The following CAMK1D variants were observed in gnomAD, a reference collection of about 807,000 sequenced individuals.
The protein encoded by CAMK1D is calcium/calmodulin-dependent protein kinase type 1D.
A neutral mutation model predicts 47.7 loss-of-function variants in CAMK1D; 9 were observed. That is an observed-to-expected ratio of 0.19 (90% CI 0.11 to 0.33). The LOEUF (loss-of-function observed/expected upper bound fraction) is 0.33. Ranked by LOEUF, CAMK1D falls within the 10% of genes least tolerant of loss-of-function variation. The probability of loss-of-function intolerance (pLI) is 1.00; values close to 1 mark genes in which losing one functional copy is unlikely to be tolerated. For synonymous variants in CAMK1D, 184 were observed against 184.9 expected (o/e 0.99, Z 0.04); for missense variants, 291 against 488.7 (o/e 0.60, Z 3.81).
In CAMK1D at chr10:12,349,750, C is replaced by CGCGCCGCCGCGCCCCCG; in HGVS notation, c.-62_-61insCGCGCCCCCGGCGCCGC. ...CCGGCATCCCCGCCGCCTCTGCGCC[C>CGCGCCGCCGCGCCCCCG]GCGCCGCGCCCCCGGCGCCCCCTCC... On this transcript the variant is annotated 5_prime_UTR_variant, in exon 1 of 11. Coordinates refer to ENST00000619168, the MANE Select transcript of CAMK1D (RefSeq NM_153498.4). The CGCGCCGCCGCGCCCCCG allele has an allele frequency of 1.7e-6, 1 of 586,136 alleles. No homozygotes were observed. Among genetic ancestry groups the CGCGCCGCCGCGCCCCCG allele is most frequent in the Non-Finnish European group, 2.2e-6 (1 of 447,382 alleles). 36.3% of individuals were successfully genotyped at this position (586,136 alleles called of 1,614,324 possible).
intron 6 of CAMK1D, among the ~76,000 whole-genome samples, chr10:12,805,463 C>T (rs970864344): frequency 6.6e-6 from 1 of 150,468 alleles, no homozygotes; most frequent in African/African-American, 2.4e-5. Context: ...CTCCACCTCC[C>T]GGGTTCAAGT....
chr10:12,424,264 A>C (rs538533688), intron 1 of CAMK1D, among the ~76,000 whole-genome samples: 2 of 151,880 alleles, frequency 1.3e-5, no homozygotes, highest in African/African-American at 4.8e-5. Flanking sequence ...CTCCCCGACA[A>C]ATGTTCCCAC....
intron 3 of CAMK1D, among the ~76,000 whole-genome samples, chr10:12,719,410 G>GA (rs796233580): frequency 0.023 from 2,568 of 110,150 alleles, 67 homozygotes; most frequent in African/African-American, 0.09. Flanking sequence ...TGTGCCTCAG[G>GA]AAAAAAAAAA....
rs71384332 is a variant in CAMK1D at position 12,492,347 on chromosome 10, C to CA, written c.93-60860dup. On this transcript the variant is annotated intron_variant, in intron 1 of 10. Transcript: ENST00000619168. Reference sequence around the variant, plus strand: ...AGGAAACTGGAGTAACACCTCATCTCAAAAAAAAAAAAAAAAAAGAAAAGA... The same window carrying CA: ...AGGAAACTGGAGTAACACCTCATCTCAAAAAAAAAAAAAAAAAAAGAAAAGA... Among the ~76,000 whole-genome samples the CA allele has an allele frequency of 7.8e-3, 861 of 110,352 alleles. 5 individuals carry two copies. Among genetic ancestry groups the CA allele is most frequent in the South Asian group, 0.013 (42 of 3,288 alleles). 72.4% of individuals were successfully genotyped at this position (110,352 alleles called of 152,430 possible).
At chr10:12,452,081 G>A (rs933409283) in intron 1 of CAMK1D, among the ~76,000 whole-genome samples, 11 of 152,176 alleles carry the variant, frequency 7.2e-5, no homozygotes, top group Non-Finnish European at 1.3e-4. Context: ...CGTGGAGCAG[G>A]CGAGTCAGGT....
chr10:12,414,182 G>T (rs1335060439), intron 1 of CAMK1D, among the ~76,000 whole-genome samples: 1 of 152,210 alleles, frequency 6.6e-6, no homozygotes, highest in East Asian at 1.9e-4. Flanking sequence ...TCCCTCTAAA[G>T]AGGAGATAGA....
chr10:12,669,950 C>T (rs7905192), intron 3 of CAMK1D, among the ~76,000 whole-genome samples: 91,382 of 151,652 alleles, frequency 0.6, 27,706 homozygotes, highest in East Asian at 0.65. Context: ...TTGGGTGGTG[C>T]CCAGTTGGCG....
chr10:12,510,929 C>T (rs954756965), intron 1 of CAMK1D, among the ~76,000 whole-genome samples: 6 of 152,266 alleles, frequency 3.9e-5, no homozygotes, highest in Middle Eastern at 3.4e-3. Context: ...TGCTAAGAAA[C>T]GGAGACTGGA....
At position 12,684,261 on chromosome 10, in the gene CAMK1D, T is replaced by C. The variant is rs1051353860; in HGVS notation, c.299+17451T>C. Among the ~76,000 whole-genome samples, 76 of 152,132 alleles carry C rather than the reference T, an allele frequency of 5.0e-4. 1 individual carries two copies. Among genetic ancestry groups the C allele is most frequent in the African/African-American group, 1.8e-3 (74 of 41,424 alleles). ...GAGGAGAACTTTGAGTTTTGTGACATTGAGAACTTTGATGTTTTCGGTGGA... is the reference window on the plus strand; with the variant it reads ...GAGGAGAACTTTGAGTTTTGTGACACTGAGAACTTTGATGTTTTCGGTGGA... On this transcript the variant is annotated intron_variant, in intron 3 of 10. Transcript: ENST00000619168.
At chr10:12,752,585 G>A (rs753864949) in intron 3 of CAMK1D, among the ~76,000 whole-genome samples, 5 of 151,998 alleles carry the variant, frequency 3.3e-5, no homozygotes, top group South Asian at 2.1e-4. Flanking sequence ...CCTTAAATTC[G>A]TCCAAATAAA....
rs529970088 is a variant in CAMK1D at position 12,830,964 on chromosome 10, C to CACAA, written c.*2078_*2079insCAAA. Reference sequence around the variant, plus strand: ...ACACACACACACACACACACACACACAATGTTATTAGGCACAGCAGCTCCA... The same window carrying CACAA: ...ACACACACACACACACACACACACACACAAAATGTTATTAGGCACAGCAGCTCCA... On this transcript the variant is annotated 3_prime_UTR_variant, in exon 11 of 11. Transcript: ENST00000619168. 7.1e-3 allele frequency: 635 copies of CACAA among 89,852 alleles called. 8 individuals are homozygous for CACAA. Among genetic ancestry groups the CACAA allele is most frequent in the African/African-American group, 0.018 (464 of 25,416 alleles). The allele number at this position is 89,852 out of a possible 1,614,324, so 5.6% of individuals were successfully genotyped here.
intron 5 of CAMK1D, among the ~76,000 whole-genome samples, chr10:12,786,416 T>C (rs1837724664): frequency 6.6e-6 from 1 of 152,264 alleles, no homozygotes; most frequent in South Asian, 2.1e-4. Flanking sequence ...TTCTTGTTCA[T>C]ATTCTTGACA....
chr10:12,497,872 C>T (rs755019758), intron 1 of CAMK1D, among the ~76,000 whole-genome samples: 1 of 152,166 alleles, frequency 6.6e-6, no homozygotes. Context: ...ATACCCGAGA[C>T]TAGAGAATTT....
At chr10:12,744,313 T>A (rs1835565879) in intron 3 of CAMK1D, among the ~76,000 whole-genome samples, 1 of 148,528 alleles carries the variant, frequency 6.7e-6, no homozygotes, top group African/African-American at 2.6e-5. Context: ...TATGAATGTG[T>A]GTTTTCAGAT....
intron 1 of CAMK1D, among the ~76,000 whole-genome samples, chr10:12,544,527 G>C (rs150986830): frequency 1.4e-3 from 216 of 152,320 alleles, no homozygotes; most frequent in Middle Eastern, 0.014. Flanking sequence ...TTATTCAACT[G>C]TATAATATTA....
chr10:12,470,739 A>T (rs1174193746), intron 1 of CAMK1D, among the ~76,000 whole-genome samples: 1 of 150,668 alleles, frequency 6.6e-6, no homozygotes, highest in Non-Finnish European at 1.5e-5. Flanking sequence ...CTGGTCTTGA[A>T]CTCCTGGCCT....
At chr10:12,408,464 C>T (rs571740864) in intron 1 of CAMK1D, among the ~76,000 whole-genome samples, 3 of 152,346 alleles carry the variant, frequency 2.0e-5, no homozygotes, top group African/African-American at 4.8e-5. Context: ...TGAGCCACCG[C>T]ACCTGGCCTG....
intron 1 of CAMK1D, among the ~76,000 whole-genome samples, chr10:12,536,425 C>T (rs1225163455): frequency 2.0e-5 from 3 of 152,154 alleles, no homozygotes; most frequent in East Asian, 3.8e-4. Context: ...ATTACAGGTG[C>T]ACACCACCAC....
At chr10:12,353,917 C>T (rs1490774603) in intron 1 of CAMK1D, among the ~76,000 whole-genome samples, 1 of 152,084 alleles carries the variant, frequency 6.6e-6, no homozygotes, top group Non-Finnish European at 1.5e-5. Context: ...CTTTCAGTGA[C>T]TACTGAAGCA....
Sources: allele counts gnomAD v4.1 joint callset (sites outside exome capture counted in the v4.1 genomes callset), GRCh38; gene constraint gnomAD v4.1.1; transcripts MANE v1.5; gene names NCBI Gene and HGNC (gene_info 2026-07-23, HGNC 2026-07-21).